Variants in TMEM132D observed in about 807,000 individuals in gnomAD.
TMEM132D encodes mature OL transmembrane protein.
Under a neutral mutation model 62.3 loss-of-function variants are expected in TMEM132D, and 21 were observed. The ratio of observed to expected loss-of-function variants is 0.34; its 90% CI spans 0.24 to 0.49. The LOEUF is 0.49. Ranked by LOEUF, TMEM132D falls within the 20% of genes least tolerant of loss-of-function variation. TMEM132D has a pLI of 0.99. For synonymous variants in TMEM132D, 621 were observed against 575.6 expected (o/e 1.08, Z -1.13); for missense variants, 1,346 against 1,402.8 (o/e 0.96, Z 0.65).
At chr12:129,133,151 G>T (rs889332830) in intron 5 of TMEM132D, among the ~76,000 whole-genome samples, 3 of 151,900 alleles carry the variant, frequency 2.0e-5, no homozygotes, top group Non-Finnish European at 4.4e-5. Context: ...CCAGGCAGCA[G>T]ATCTGCATCT....
chr12:129,513,839 T>TATTTA (rs1566093736), intron 3 of TMEM132D, among the ~76,000 whole-genome samples: 2 of 140,878 alleles, frequency 1.4e-5, no homozygotes, highest in Non-Finnish European at 3.1e-5. Context: ...TTTATTTATT[T>TATTTA]ATTTATTTAT....
intron 4 of TMEM132D, among the ~76,000 whole-genome samples, chr12:129,240,882 C>A (rs1173314313): frequency 6.6e-6 from 1 of 152,134 alleles, no homozygotes; most frequent in Admixed American, 6.5e-5. Context: ...GCTTCTGAGA[C>A]ATCTCCTCAA....
intron 5 of TMEM132D, among the ~76,000 whole-genome samples, chr12:129,151,659 C>T (rs1050444345): frequency 5.9e-5 from 9 of 152,226 alleles, no homozygotes; most frequent in African/African-American, 2.2e-4. Context: ...TCCACCTCCT[C>T]AGCTTCTTCA....
chr12:129,428,634 C>G (rs1028131726), intron 3 of TMEM132D, among the ~76,000 whole-genome samples: 17 of 152,194 alleles, frequency 1.1e-4, no homozygotes, highest in African/African-American at 3.9e-4. Flanking sequence ...CAAGCATCAG[C>G]TCTCAATTTT....
chr12:129,884,609 G>A (rs1177881033), intron 1 of TMEM132D, among the ~76,000 whole-genome samples: 1 of 152,202 alleles, frequency 6.6e-6, no homozygotes, highest in Non-Finnish European at 1.5e-5. Flanking sequence ...ATTACAATAT[G>A]AAAATATCAA....
In TMEM132D at chr12:129,764,703, G is replaced by A. The variant is rs560367904; in HGVS notation, c.80-64005C>T. Among the ~76,000 whole-genome samples the A allele has an allele frequency of 3.9e-5, 6 of 152,298 alleles. 1 individual carries two copies. The highest frequency in any genetic ancestry group is 1.2e-4 in the African/African-American group (5 of 41,566). ...TACCTGTATTCCCAGCACTTTAGGA[G>A]GTCGAGGTAGGAGGATTTCTTGAGC... On this transcript the variant is annotated intron_variant, in intron 1 of 8. Transcript: ENST00000422113.
In TMEM132D at chr12:129,486,949, G is replaced by C. The variant is rs115175149; in HGVS notation, c.1115+44110C>G. Reference sequence around the variant, plus strand: ...ATAAGCAAACAAATAAGAATAGTTAGCTACTGATAAATGCCATGAAGGATA... The same window carrying C: ...ATAAGCAAACAAATAAGAATAGTTACCTACTGATAAATGCCATGAAGGATA... On this transcript the variant is annotated intron_variant, in intron 3 of 8. Coordinates refer to ENST00000422113, the MANE Select transcript of TMEM132D (RefSeq NM_133448.3). 3.4e-3 allele frequency among the ~76,000 whole-genome samples: 512 copies of C among 151,858 alleles called. 2 individuals are homozygous for C. The highest frequency in any genetic ancestry group is 0.012 in the African/African-American group (486 of 41,382).
chr12:129,322,302 G>A (rs987795834), intron 4 of TMEM132D, among the ~76,000 whole-genome samples: 15 of 151,844 alleles, frequency 9.9e-5, no homozygotes, highest in African/African-American at 3.1e-4. Context: ...ATCAGTTTTG[G>A]AGCCAGACAT....
intron 5 of TMEM132D, among the ~76,000 whole-genome samples, chr12:129,113,651 G>A (rs180721276): frequency 2.6e-5 from 4 of 152,190 alleles, no homozygotes; most frequent in Admixed American, 6.5e-5. Flanking sequence ...CTGTAGACCC[G>A]TCGGCCAGCG....
At position 129,371,119 on chromosome 12, in the gene TMEM132D, C is replaced by G. The variant is rs992382288; in HGVS notation, c.1116-33302G>C. Among the ~76,000 whole-genome samples the G allele has an allele frequency of 6.6e-6, 1 of 152,096 alleles. No individual in the cohort carries two copies. The highest frequency in any genetic ancestry group is 2.4e-5 in the African/African-American group (1 of 41,406). ...TTCGATCATTATATTGTTGTAGGTA[C>G]CACCAAAATATGTACAACTATGACA... On this transcript the variant is annotated intron_variant, in intron 3 of 8. Transcript: ENST00000422113. This position sits in a 1 kb window ranked among gnomAD's most constrained non-coding sequence, Gnocchi z 4.3.
intron 5 of TMEM132D, among the ~76,000 whole-genome samples, chr12:129,151,464 T>C (rs1318406070): frequency 2.0e-5 from 3 of 152,206 alleles, no homozygotes; most frequent in Non-Finnish European, 4.4e-5. Context: ...TCCGACACCA[T>C]CACACCCGTC....
intron 3 of TMEM132D, among the ~76,000 whole-genome samples, chr12:129,470,119 T>C (rs1333237695): frequency 6.6e-6 from 1 of 152,164 alleles, no homozygotes; most frequent in Non-Finnish European, 1.5e-5. Flanking sequence ...CAGGGAATCA[T>C]CTCCAGATCT....
intron 4 of TMEM132D, among the ~76,000 whole-genome samples, chr12:129,299,586 C>T (rs1881659127): frequency 6.6e-6 from 1 of 151,496 alleles, no homozygotes; most frequent in Non-Finnish European, 1.5e-5. Context: ...ATGGGAGAGC[C>T]CCACCCCACC....
rs1874213690 is a variant in TMEM132D, at chr12:129,870,719, C to T, written c.79+32542G>A. Among the ~76,000 whole-genome samples, 3 of 152,218 alleles carry T rather than the reference C, an allele frequency of 2.0e-5. No homozygotes were observed. The South Asian group carries it at 6.2e-4, about 32-fold the overall frequency. ...ACCTAAAGAGAGGTTGTAGGAACCC[C>T]AAAATGTGTAGGCACGTTGGACAGA... On this transcript the variant is annotated intron_variant, in intron 1 of 8. Coordinates refer to ENST00000422113, the MANE Select transcript of TMEM132D (RefSeq NM_133448.3).
intron 4 of TMEM132D, among the ~76,000 whole-genome samples, chr12:129,333,265 G>A (rs1431219303): frequency 1.3e-5 from 2 of 152,236 alleles, no homozygotes; most frequent in Non-Finnish European, 2.9e-5. Context: ...TAAGCTTTCT[G>A]GAAGGCAGTT....
intron 2 of TMEM132D, among the ~76,000 whole-genome samples, chr12:129,654,368 CTT>C (rs1880016901): frequency 7.0e-6 from 1 of 142,744 alleles, no homozygotes; most frequent in Non-Finnish European, 1.6e-5. Context: ...GTCTAAGAAA[CTT>C]TGGTACAGGT....
At chr12:129,558,831 T>G (rs559961945) in intron 2 of TMEM132D, among the ~76,000 whole-genome samples, 2 of 152,176 alleles carry the variant, frequency 1.3e-5, no homozygotes, top group African/African-American at 2.4e-5. Context: ...TACATTTCAA[T>G]GTTATAAATG....
At chr12:129,315,313 G>T (rs1392864592) in intron 4 of TMEM132D, among the ~76,000 whole-genome samples, 1 of 152,132 alleles carries the variant, frequency 6.6e-6, no homozygotes, top group Non-Finnish European at 1.5e-5. Context: ...TTTAAGGTAT[G>T]TCCCTTGTAT....
intron 1 of TMEM132D, among the ~76,000 whole-genome samples, chr12:129,808,640 A>G (rs1253234488): frequency 1.3e-5 from 2 of 152,238 alleles, no homozygotes; most frequent in Non-Finnish European, 2.9e-5. Context: ...CCAGAACACA[A>G]GAGAAGTTCT....
Sources: gnomAD v4.1 joint callset for allele counts (sites outside exome capture counted in the v4.1 genomes callset) on GRCh38, gnomAD v4.1.1 for gene constraint, Gnocchi (gnomAD v3.1) non-coding constraint, MANE v1.5 for transcripts, NCBI Gene and HGNC (gene_info 2026-07-23, HGNC 2026-07-21) for gene names.